The following VPS13B variants were observed in gnomAD, a reference collection of about 807,000 sequenced individuals.
VPS13B encodes vacuolar protein sorting 13 homolog B.
VPS13B carries 285 observed loss-of-function variants against 426.4 expected under a neutral mutation model. The observed-to-expected ratio is 0.67, with a 90% confidence interval of 0.61 to 0.74. The LOEUF (loss-of-function observed/expected upper bound fraction) is 0.74. VPS13B is among the 30% of genes least tolerant of loss of function. The pLI, the probability that VPS13B is intolerant of heterozygous loss-of-function variation, is 0.00. For missense variants in VPS13B, 4,537 were observed against 4,782.6 expected (o/e 0.95, Z 1.51); for synonymous variants, 1,676 against 1,676.4 (o/e 1.00, Z 0.01).
chr8:99,270,542 G>C (rs972796301), intron 17 of VPS13B, among the ~76,000 whole-genome samples: 1 of 152,080 alleles, frequency 6.6e-6, no homozygotes, highest in African/African-American at 2.4e-5. Context: ...TCAAGGTAGA[G>C]TATTAAGTTT....
intron 17 of VPS13B, among the ~76,000 whole-genome samples, chr8:99,250,089 G>T (rs1817426233): frequency 6.6e-6 from 1 of 152,120 alleles, no homozygotes; most frequent in African/African-American, 2.4e-5. Flanking sequence ...ATCTCATTGT[G>T]ATTATAATTT....
At chr8:99,866,654 G>A (rs887164627) in intron 58 of VPS13B, among the ~76,000 whole-genome samples, 2 of 152,252 alleles carry the variant, frequency 1.3e-5, no homozygotes, top group African/African-American at 2.4e-5. Flanking sequence ...TGGAGCAGGT[G>A]GCTGTCAGCA....
At chr8:99,142,440 G>A (rs1048041709) in intron 12 of VPS13B, among the ~76,000 whole-genome samples, 1 of 152,142 alleles carries the variant, frequency 6.6e-6, no homozygotes, top group Non-Finnish European at 1.5e-5. Context: ...AGTCTAGGAA[G>A]TAGGATTCTG....
intron 24 of VPS13B, among the ~76,000 whole-genome samples, chr8:99,475,055 C>T (rs1819620440): frequency 6.6e-6 from 1 of 152,114 alleles, no homozygotes; most frequent in African/African-American, 2.4e-5. Flanking sequence ...ATTGACGAAT[C>T]TTGAAATCAT....
intron 2 of VPS13B, among the ~76,000 whole-genome samples, chr8:99,027,905 G>C (rs1347121696): frequency 6.6e-6 from 1 of 152,084 alleles, no homozygotes; most frequent in Non-Finnish European, 1.5e-5. Flanking sequence ...CGCAGTGTTT[G>C]TGTCCCTGGG....
chr8:99,056,155 T>A (rs1843840623), intron 3 of VPS13B, among the ~76,000 whole-genome samples: 1 of 151,802 alleles, frequency 6.6e-6, no homozygotes, highest in Admixed American at 6.6e-5. Context: ...CTCCCAGGCT[T>A]AAGTGATCCT....
At chr8:99,663,347 A>G (rs570705099) in intron 35 of VPS13B, among the ~76,000 whole-genome samples, 1 of 152,188 alleles carries the variant, frequency 6.6e-6, no homozygotes, top group Non-Finnish European at 1.5e-5. Flanking sequence ...AGTATGAAGA[A>G]CTATTTCTAA....
intron 4 of VPS13B, among the ~76,000 whole-genome samples, chr8:99,097,463 T>G (rs1370362077): frequency 6.6e-6 from 1 of 152,062 alleles, no homozygotes; most frequent in African/African-American, 2.4e-5. Flanking sequence ...GAGTTAACTG[T>G]TTAGGATAGG....
chr8:99,428,530 A>C (rs1010248333), intron 21 of VPS13B, among the ~76,000 whole-genome samples: 1 of 152,204 alleles, frequency 6.6e-6, no homozygotes, highest in Non-Finnish European at 1.5e-5. Flanking sequence ...GACACATGAA[A>C]AAATGCTCAT....
At chr8:99,764,677 A>C (rs1004051008) in intron 39 of VPS13B, among the ~76,000 whole-genome samples, 45 of 152,082 alleles carry the variant, frequency 3.0e-4, no homozygotes, top group African/African-American at 1.1e-3. Flanking sequence ...GGCCTCCCAA[A>C]GTGCTGGGAT....
intron 39 of VPS13B, among the ~76,000 whole-genome samples, chr8:99,724,558 T>C (rs982436289): frequency 6.6e-6 from 1 of 152,160 alleles, no homozygotes; most frequent in Non-Finnish European, 1.5e-5. Context: ...ACTGATCTTT[T>C]TGAGCTTCAG....
At chr8:99,615,832 AT>A (rs1208617061) in intron 33 of VPS13B, among the ~76,000 whole-genome samples, 1 of 152,162 alleles carries the variant, frequency 6.6e-6, no homozygotes, top group East Asian at 1.9e-4. Flanking sequence ...TTGGAATATT[AT>A]TATTATAATG....
At chr8:99,353,889 G>T (rs1012480529) in intron 19 of VPS13B, among the ~76,000 whole-genome samples, 4 of 151,940 alleles carry the variant, frequency 2.6e-5, no homozygotes, top group Non-Finnish European at 1.5e-5. Flanking sequence ...ATATAATATT[G>T]TCTATGATTT....
At chr8:99,221,598 C>A (rs905131314) in intron 17 of VPS13B, among the ~76,000 whole-genome samples, 2 of 152,192 alleles carry the variant, frequency 1.3e-5, no homozygotes, top group East Asian at 3.9e-4. Context: ...TTTTTAAATT[C>A]TTTTAGCTAA....
intron 19 of VPS13B, among the ~76,000 whole-genome samples, chr8:99,296,448 T>C (rs1489615096): frequency 6.6e-6 from 1 of 152,202 alleles, no homozygotes; most frequent in African/African-American, 2.4e-5. Context: ...TACTACAATA[T>C]GCCATTTTTT....
chr8:99,719,783 G>A (rs931986001), intron 37 of VPS13B, among the ~76,000 whole-genome samples: 3 of 152,142 alleles, frequency 2.0e-5, no homozygotes, highest in African/African-American at 7.2e-5. Flanking sequence ...AGCTACTGTA[G>A]TATAATTGAT....
chr8:99,646,294 C>G (rs1327864207), intron 34 of VPS13B, among the ~76,000 whole-genome samples: 1 of 152,098 alleles, frequency 6.6e-6, no homozygotes, highest in Non-Finnish European at 1.5e-5. Flanking sequence ...GTGGGTGGAT[C>G]ACTTGAGCTA....
rs143142703 is a variant in VPS13B, at chr8:99,223,770, A to G, written c.2515+30713A>G. ...TGTGTATAAAATTGAATAGAGATGC[A>G]TTCAAAGAATGTATTAAGATTATTC... On this transcript the variant is annotated intron_variant, in intron 17 of 61. Transcript: ENST00000357162. 4.9e-3 allele frequency among the ~76,000 whole-genome samples: 739 copies of G among 152,336 alleles called. 2 individuals are homozygous for G. Among genetic ancestry groups the G allele is most frequent in the Non-Finnish European group, 7.8e-3 (532 of 68,032 alleles).
At chr8:99,160,172 C>A (rs1331651407) in intron 15 of VPS13B, among the ~76,000 whole-genome samples, 1 of 152,054 alleles carries the variant, frequency 6.6e-6, no homozygotes, top group Admixed American at 6.6e-5. Flanking sequence ...TTATTGGTAG[C>A]TTTCCCCAGC....
Sources: allele counts gnomAD v4.1 joint callset (sites outside exome capture counted in the v4.1 genomes callset), GRCh38; gene constraint gnomAD v4.1.1; transcripts MANE v1.5; gene names NCBI Gene and HGNC (gene_info 2026-07-23, HGNC 2026-07-21).